The following NREP variants were observed in gnomAD, a reference collection of about 807,000 sequenced individuals.
NREP encodes neuronal regeneration related protein.
In NREP, 5 loss-of-function variants were observed where a neutral mutation model predicts 8.6. That is an observed-to-expected ratio of 0.58 (90% CI 0.30 to 1.22). The LOEUF is 1.22. Among genes scored for constraint, NREP ranks in the 50% most tolerant of loss-of-function variants. The pLI is 0.07. For synonymous variants in NREP, 27 were observed against 28.0 expected (o/e 0.96, Z 0.11); for missense variants, 86 against 82.5 (o/e 1.04, Z -0.17).
chr5:111,936,669 T>C (rs1017740788), intron 2 of NREP, among the ~76,000 whole-genome samples: 3 of 152,076 alleles, frequency 2.0e-5, no homozygotes, highest in Non-Finnish European at 4.4e-5. Context: ...CTGTCGCTAC[T>C]CTCCCACACA....
chr5:111,747,513 T>TGG (rs1172410907), intron 2 of NREP, among the ~76,000 whole-genome samples: 1 of 152,122 alleles, frequency 6.6e-6, no homozygotes, highest in Non-Finnish European at 1.5e-5. Context: ...AGAGCTGGGA[T>TGG]GGGGGAGAGA....
At chr5:111,850,417 G>C (rs1017914199) in intron 2 of NREP, among the ~76,000 whole-genome samples, 1 of 152,054 alleles carries the variant, frequency 6.6e-6, no homozygotes, top group African/African-American at 2.4e-5. Context: ...TTCCATTTAT[G>C]TCTCTAACTA....
At chr5:111,863,697 A>G (rs928803731) in intron 2 of NREP, among the ~76,000 whole-genome samples, 1 of 152,182 alleles carries the variant, frequency 6.6e-6, no homozygotes, top group Non-Finnish European at 1.5e-5. Flanking sequence ...ATAAGCAATC[A>G]TAATTAATGT....
At chr5:111,811,140 T>G (rs1481838932) in intron 2 of NREP, among the ~76,000 whole-genome samples, 1 of 152,158 alleles carries the variant, frequency 6.6e-6, no homozygotes, top group Non-Finnish European at 1.5e-5. Context: ...TAACATCACT[T>G]CTGTCTTATG....
At chr5:111,918,051 C>T (rs1293801323) in intron 2 of NREP, among the ~76,000 whole-genome samples, 1 of 152,032 alleles carries the variant, frequency 6.6e-6, no homozygotes, top group Non-Finnish European at 1.5e-5. Flanking sequence ...ACAGGCATTC[C>T]TAGACACCAA....
intron 2 of NREP, among the ~76,000 whole-genome samples, chr5:111,801,291 A>G (rs1389209085): frequency 1.3e-5 from 2 of 152,160 alleles, no homozygotes; most frequent in African/African-American, 4.8e-5. Flanking sequence ...TACCCTTACA[A>G]TGTGATTGAG....
intron 2 of NREP, among the ~76,000 whole-genome samples, chr5:111,904,269 G>T (rs4957989): frequency 6.6e-6 from 1 of 151,688 alleles, no homozygotes; most frequent in South Asian, 2.1e-4. Flanking sequence ...TGTTTGATGT[G>T]TTTTGACAAA....
chr5:111,963,506 C>CA (rs1756539430), intron 2 of NREP, among the ~76,000 whole-genome samples: 1 of 152,198 alleles, frequency 6.6e-6, no homozygotes, highest in Non-Finnish European at 1.5e-5. Flanking sequence ...AGAACTGAGA[C>CA]AGTCAATTAA....
intron 2 of NREP, among the ~76,000 whole-genome samples, chr5:111,948,512 A>G (rs1756052835): frequency 6.6e-6 from 1 of 152,136 alleles, no homozygotes; most frequent in Non-Finnish European, 1.5e-5. Context: ...GAATATTTCA[A>G]TTCTATTGAG....
chr5:111,735,337 T>G, intron 3 of NREP, 93 bp downstream of exon 3: 2 of 798,246 alleles, frequency 2.5e-6, no homozygotes, highest in South Asian at 3.0e-5. Flanking sequence ...TAGCAGCCTA[T>G]AATGGGTATT....
chr5:111,782,673 T>C (rs954259928), intron 2 of NREP, among the ~76,000 whole-genome samples: 3 of 151,464 alleles, frequency 2.0e-5, no homozygotes, highest in South Asian at 2.1e-4. Flanking sequence ...TCCCATAAAA[T>C]ACACAATAAG....
intron 2 of NREP, among the ~76,000 whole-genome samples, chr5:111,869,202 C>T (rs1753733135): frequency 6.6e-6 from 1 of 152,180 alleles, no homozygotes; most frequent in South Asian, 2.1e-4. Context: ...TCCACACTCA[C>T]ACTAGTTGAG....
intron 2 of NREP, among the ~76,000 whole-genome samples, chr5:111,841,535 G>A (rs1052080056): frequency 5.9e-5 from 9 of 152,124 alleles, no homozygotes; most frequent in South Asian, 2.1e-4. Context: ...ACTGTGATAC[G>A]GTTGTAGTGG....
chr5:111,904,175 G>A (rs1335378583), intron 2 of NREP, among the ~76,000 whole-genome samples: 1 of 151,962 alleles, frequency 6.6e-6, no homozygotes, highest in Non-Finnish European at 1.5e-5. Context: ...CATTCATGTG[G>A]TATTTGTTAC....
At chr5:111,763,882 T>C (rs1751022834) in intron 2 of NREP, among the ~76,000 whole-genome samples, 1 of 152,252 alleles carries the variant, frequency 6.6e-6, no homozygotes, top group Non-Finnish European at 1.5e-5. Context: ...CAATTATAAA[T>C]GGGTATTTTC....
chr5:111,867,624 A>G (rs1753698201), intron 2 of NREP, among the ~76,000 whole-genome samples: 1 of 152,180 alleles, frequency 6.6e-6, no homozygotes, highest in Non-Finnish European at 1.5e-5. Context: ...AGAGCAAGAA[A>G]TGTTTAAATA....
chr5:111,912,898 T>C (rs186796010), intron 2 of NREP, among the ~76,000 whole-genome samples: 143 of 152,278 alleles, frequency 9.4e-4, no homozygotes, highest in African/African-American at 3.2e-3. Context: ...TATTATTTCA[T>C]AGGTACCACT....
At chr5:111,840,949 G>T (rs1753016111) in intron 2 of NREP, among the ~76,000 whole-genome samples, 1 of 152,078 alleles carries the variant, frequency 6.6e-6, no homozygotes. Context: ...TCAAGGAGGA[G>T]CAGCAGGAAA....
At chr5:111,853,727 G>A (rs200383496) in intron 2 of NREP, among the ~76,000 whole-genome samples, 1 of 151,828 alleles carries the variant, frequency 6.6e-6, no homozygotes, top group Admixed American at 6.6e-5. Context: ...GCTTGGGCTG[G>A]ATCTCAGGGA....
Sources: gnomAD v4.1 joint callset for allele counts (sites outside exome capture counted in the v4.1 genomes callset) on GRCh38, gnomAD v4.1.1 for gene constraint, MANE v1.5 for transcripts, NCBI Gene and HGNC (gene_info 2026-07-23, HGNC 2026-07-21) for gene names.